KDM1A: variants seen among roughly 807,000 people sequenced by gnomAD.
KDM1A encodes the protein lysine demethylase 1A.
KDM1A carries 49 observed loss-of-function variants against 109.4 expected under a neutral mutation model. That is an observed-to-expected ratio of 0.45 (90% CI 0.36 to 0.57). KDM1A has a LOEUF of 0.57. Among genes scored for constraint, KDM1A ranks in the 20% least tolerant of loss-of-function variants. The pLI, the probability that KDM1A is intolerant of heterozygous loss-of-function variation, is 0.00. For missense variants in KDM1A, 668 were observed against 1,116.6 expected, an observed-to-expected ratio of 0.60 and a Z score of 5.73; for synonymous variants, 380 against 415.4, an observed-to-expected ratio of 0.91 and a Z score of 1.04.
chr1:23,067,816 C>T (rs1643199593), intron 10 of KDM1A, among the ~76,000 whole-genome samples: 1 of 152,176 alleles, frequency 6.6e-6, no homozygotes, highest in African/African-American at 2.4e-5. Flanking sequence ...GGCAGGGACA[C>T]AGCATGGCTT....
chr1:23,065,943 C>T (rs180871017), intron 9 of KDM1A, 117 bp from the exon 10 acceptor site: 4 of 1,420,882 alleles, frequency 2.8e-6, no homozygotes, highest in Admixed American at 5.5e-5. Context: ...CAGAATGCTT[C>T]TGTCATGCTA....
Position 23,057,679 on chromosome 1 carries a change from T to C in KDM1A, c.1072+114T>C, listed in dbSNP as rs1569750860. 24 of 732,962 alleles carry C rather than the reference T, an allele frequency of 3.3e-5. No individual in the cohort carries two copies. In the East Asian group the frequency reaches 6.2e-4, roughly 19 times the overall value. 45.4% of individuals were successfully genotyped at this position (732,962 alleles called of 1,614,324 possible). A position where few individuals can be genotyped will look rare whatever the true frequency, so the allele number is the denominator to read the frequency against. On this transcript the variant is annotated intron_variant, in intron 8 of 20. Transcript: ENST00000400181. ...TGGTTTAGAATAGTCATCTTCCGTTTAGTGAGAGGTATAGCAGTATGTGGA... is the reference window on the plus strand; with the variant it reads ...TGGTTTAGAATAGTCATCTTCCGTTCAGTGAGAGGTATAGCAGTATGTGGA...
intron 3 of KDM1A, among the ~76,000 whole-genome samples, chr1:23,046,514 T>G (rs1642508822): frequency 6.6e-6 from 1 of 152,160 alleles, no homozygotes; most frequent in African/African-American, 2.4e-5. Flanking sequence ...CTTCTTTTCT[T>G]TGTTAATTTT....
In KDM1A at chr1:23,079,210, C is replaced by T. The variant is rs759743970; in HGVS notation, c.2055+33C>T. On this transcript the variant is annotated intron_variant, in intron 17 of 20. Coordinates refer to ENST00000400181, the MANE Select transcript of KDM1A (RefSeq NM_001009999.3). This position sits in a 1 kb window ranked among gnomAD's most constrained non-coding sequence, Gnocchi z 5.6. The stretch of plus-strand genomic sequence containing the variant: ...GCCCTAGACACTCCTGTCTACAGAT[C>T]TGATGTACAAATAGCAGTCTTCGTT... The T allele has an allele frequency of 1.3e-6, 2 of 1,596,494 alleles. No individual in the cohort carries two copies. Among genetic ancestry groups the T allele is most frequent in the Admixed American group, 1.7e-5 (1 of 57,724 alleles).
At chr1:23,059,038 G>A in intron 8 of KDM1A, 35 bp from the exon 9 acceptor site, 2 of 1,364,028 alleles carry the variant, frequency 1.5e-6, no homozygotes, top group Middle Eastern at 1.8e-4. Context: ...CTCTTCATAG[G>A]TCTATTGAAT....
In KDM1A at chr1:23,081,586, G is replaced by A. The variant is rs1040790374; in HGVS notation, c.2298+13G>A. On this transcript the variant is annotated intron_variant, in intron 19 of 20. Coordinates refer to ENST00000400181, the MANE Select transcript of KDM1A (RefSeq NM_001009999.3). ...TGCAGTACCTCAGGTAAGTAGGTAG[G>A]TGGGGCAAGGAGGGATCTAGGGTTC... is the stretch of plus-strand genomic sequence containing the variant. 1 of 1,614,016 alleles carries A rather than the reference G, an allele frequency of 6.2e-7. No homozygotes were observed. Among genetic ancestry groups the A allele is most frequent in the South Asian group, 1.1e-5 (1 of 91,066 alleles).
intron 9 of KDM1A, among the ~76,000 whole-genome samples, chr1:23,065,859 G>A (rs1310685727): frequency 6.6e-6 from 1 of 151,484 alleles, no homozygotes; most frequent in Non-Finnish European, 1.5e-5. Flanking sequence ...GGCCATTTCT[G>A]TGCCTTGACT....
At chr1:23,051,033 C>T (rs1011992125) in intron 4 of KDM1A, among the ~76,000 whole-genome samples, 1 of 152,016 alleles carries the variant, frequency 6.6e-6, no homozygotes, top group African/African-American at 2.4e-5. Flanking sequence ...TGCAGTGAGC[C>T]GAGATCGTGC....
At chr1:23,024,129 A>G (rs1481052816) in intron 1 of KDM1A, among the ~76,000 whole-genome samples, 1 of 152,114 alleles carries the variant, frequency 6.6e-6, no homozygotes, top group Admixed American at 6.6e-5. Flanking sequence ...GATTACAGAC[A>G]TGAGCCACCT....
rs759155607 is a variant in KDM1A, at chr1:23,019,625, C to T, written c.29C>T (p.Ala10Val). The T allele has an allele frequency of 5.1e-6, 7 of 1,377,626 alleles. No homozygotes were observed. In the South Asian group the frequency reaches 6.9e-5, roughly 14 times the overall value. 85.3% of individuals were successfully genotyped at this position (1,377,626 alleles called of 1,614,324 possible). A position where few individuals can be genotyped will look rare whatever the true frequency, so the allele number is the denominator to read the frequency against. ...TTATCTGGGAAGAAGGCGGCAGCCG[C>T]GGCGGCGGCGGCTGCAGCGGCAGCA... MLSGKKAAA[A>V]AAAAAAAATG... The change falls in exon 1 of 21, where the codon GCG (alanine) becomes GTG (valine). Residue 10 changes from alanine to valine, a missense_variant. Around this residue, in one of 8 missense-constraint regions of KDM1A, gnomAD observed 156 missense variants for 163.4 expected, o/e 0.95. Coordinates refer to ENST00000400181, the MANE Select transcript of KDM1A (RefSeq NM_001009999.3).
chr1:23,059,658 G>A (rs1239273875), intron 9 of KDM1A, among the ~76,000 whole-genome samples: 1 of 152,202 alleles, frequency 6.6e-6, no homozygotes, highest in African/African-American at 2.4e-5. Flanking sequence ...CAGAGGCATA[G>A]GAGCTTCCTA....
intron 9 of KDM1A, among the ~76,000 whole-genome samples, chr1:23,064,009 C>T (rs941340234): frequency 5.3e-5 from 8 of 152,160 alleles, no homozygotes; most frequent in Non-Finnish European, 1.2e-4. Flanking sequence ...CCCTCAGCCT[C>T]GTGAGTAGCT....
At chr1:23,071,147 G>A (rs1643307428) in intron 12 of KDM1A, 78 bp from the exon 13 acceptor site, 1 of 1,275,778 alleles carries the variant, frequency 7.8e-7, no homozygotes, top group Non-Finnish European at 1.1e-6. Flanking sequence ...GTTTTGAGGA[G>A]CCAAAAAAGG....
At chr1:23,082,057 ATG>A (rs748509282) in intron 19 of KDM1A, 161 bp from the exon 20 acceptor site, 202 of 644,126 alleles carry the variant, frequency 3.1e-4, no homozygotes, top group Non-Finnish European at 4.5e-4. Context: ...CCTTTTGTCC[ATG>A]TGTGTTTTAA....
At chr1:23,059,463 A>G (rs1281269204) in intron 9 of KDM1A, 3 of 411,550 alleles carry the variant, frequency 7.3e-6, no homozygotes, top group African/African-American at 6.2e-5. Flanking sequence ...ACTTACTCCA[A>G]GGGACTTATG....
chr1:23,070,075 G>A (rs1247788650), intron 12 of KDM1A, among the ~76,000 whole-genome samples: 1 of 152,266 alleles, frequency 6.6e-6, no homozygotes, highest in Non-Finnish European at 1.5e-5. Context: ...GAACTGCCAA[G>A]TGGCCAGGAT....
At chr1:23,065,794 T>C (rs1379173361) in intron 9 of KDM1A, among the ~76,000 whole-genome samples, 2 of 152,166 alleles carry the variant, frequency 1.3e-5, no homozygotes, top group Non-Finnish European at 2.9e-5. Flanking sequence ...TATTCCTCAC[T>C]GCTTTCTGAC....
At chr1:23,030,398 T>G in intron 1 of KDM1A, 71 bp from the exon 2 acceptor site, 1 of 1,157,418 alleles carries the variant, frequency 8.6e-7, no homozygotes, top group Non-Finnish European at 1.2e-6. Flanking sequence ...CATTGACTGA[T>G]GGTTCCAAAT....
At chr1:23,046,570 A>G (rs1007716776) in intron 3 of KDM1A, among the ~76,000 whole-genome samples, 2 of 152,192 alleles carry the variant, frequency 1.3e-5, no homozygotes, top group Non-Finnish European at 1.5e-5. Context: ...CCTATATCTT[A>G]CACGAATCAA....
Sources: allele counts gnomAD v4.1 joint callset (sites outside exome capture counted in the v4.1 genomes callset), GRCh38; gene constraint gnomAD v4.1.1; regional missense constraint gnomAD v4.1.1; non-coding constraint Gnocchi (gnomAD v3.1); transcripts MANE v1.5; gene names NCBI Gene and HGNC (gene_info 2026-07-23, HGNC 2026-07-21).